The following CREBRF variants were observed in gnomAD, a reference collection of about 807,000 sequenced individuals.
CREBRF encodes the protein CREB3 regulatory factor, also known as UPF0474 protein C5orf41.
CREBRF carries 5 observed loss-of-function variants against 66.1 expected under a neutral mutation model. The ratio of observed to expected loss-of-function variants is 0.08; its 90% CI spans 0.04 to 0.16. CREBRF has a LOEUF of 0.16. CREBRF is among the 10% of genes least tolerant of loss of function. The pLI, the probability that CREBRF is intolerant of heterozygous loss-of-function variation, is 1.00. For missense variants in CREBRF, 531 were observed against 744.9 expected (o/e 0.71, Z 3.34); for synonymous variants, 229 against 264.4 (o/e 0.87, Z 1.30).
At chr5:173,083,405 A>C (rs886922307) in intron 2 of CREBRF, among the ~76,000 whole-genome samples, 1 of 152,152 alleles carries the variant, frequency 6.6e-6, no homozygotes, top group Non-Finnish European at 1.5e-5. Flanking sequence ...AAGGAGAATT[A>C]ATGCTGGGTC....
intron 4 of CREBRF, among the ~76,000 whole-genome samples, chr5:173,107,225 C>A (rs531658664): frequency 2.0e-5 from 3 of 152,264 alleles, no homozygotes; most frequent in African/African-American, 7.2e-5. Flanking sequence ...CTTATGTTTT[C>A]AGGAAGGAAA....
chr5:173,066,188 C>G (rs1757432288), intron 1 of CREBRF, among the ~76,000 whole-genome samples: 1 of 152,182 alleles, frequency 6.6e-6, no homozygotes, highest in African/African-American at 2.4e-5. Flanking sequence ...GCAAAATAAG[C>G]TGATTCCCTC....
Position 173,138,326 on chromosome 5 carries a change from G to A in CREBRF, c.*4581G>A, listed in dbSNP as rs1759635280. 1 of 152,190 alleles carries A rather than the reference G, an allele frequency of 6.6e-6. No individual in the cohort carries two copies. The highest frequency in any genetic ancestry group is 2.4e-5 in the African/African-American group (1 of 41,450). The allele number at this position is 152,190 out of a possible 1,614,324, so 9.4% of individuals were successfully genotyped here. A position where few individuals can be genotyped will look rare whatever the true frequency, so the allele number is the denominator to read the frequency against. ...AATAAGCATGTTGGGGAAAGATGAT[G>A]AAAATGTACTACTGAAAGTTATACA... On this transcript the variant is annotated 3_prime_UTR_variant, in exon 9 of 9. Coordinates refer to ENST00000296953, the MANE Select transcript of CREBRF (RefSeq NM_153607.3).
At chr5:173,088,857 G>A (rs1460637509) in intron 3 of CREBRF, among the ~76,000 whole-genome samples, 1 of 152,062 alleles carries the variant, frequency 6.6e-6, no homozygotes, top group Admixed American at 6.6e-5. Flanking sequence ...TATGGTATGT[G>A]AAATTATACT....
chr5:173,093,517 AGTT>A (rs545933030), intron 4 of CREBRF, among the ~76,000 whole-genome samples: 10 of 152,282 alleles, frequency 6.6e-5, no homozygotes, highest in East Asian at 1.9e-4. Context: ...TACACAATAC[AGTT>A]GTTGTTGTTG....
chr5:173,100,614 G>T (rs1230779369), intron 4 of CREBRF, among the ~76,000 whole-genome samples: 1 of 152,014 alleles, frequency 6.6e-6, no homozygotes, highest in East Asian at 1.9e-4. Flanking sequence ...AGTAAAGACA[G>T]TGTTTCACCA....
intron 3 of CREBRF, among the ~76,000 whole-genome samples, chr5:173,089,061 C>T (rs890716906): frequency 6.6e-6 from 1 of 151,654 alleles, no homozygotes; most frequent in Non-Finnish European, 1.5e-5. Flanking sequence ...TGCCTGTAAT[C>T]TCAGCAATTC....
chr5:173,085,544 G>A, intron 2 of CREBRF: 3 of 550,658 alleles, frequency 5.4e-6, no homozygotes, highest in Middle Eastern at 5.0e-4. Context: ...AGCCTCCTGA[G>A]TAGCTGGGAT....
At chr5:173,079,457 T>C (rs1561797471) in intron 1 of CREBRF, among the ~76,000 whole-genome samples, 1 of 143,880 alleles carries the variant, frequency 7.0e-6, no homozygotes, top group Non-Finnish European at 1.5e-5. Flanking sequence ...AGTGAGACTC[T>C]GTCTTTTTTA....
chr5:173,064,408 A>G (rs1386635760), intron 1 of CREBRF, among the ~76,000 whole-genome samples: 1 of 151,920 alleles, frequency 6.6e-6, no homozygotes, highest in Non-Finnish European at 1.5e-5. Flanking sequence ...TGTTTGAGAC[A>G]GGTCTTGCTC....
At chr5:173,091,464 TTTTTGTTTCTG>T in intron 4 of CREBRF, 63 bp downstream of exon 4, 29 of 1,547,686 alleles carry the variant, frequency 1.9e-5, no homozygotes, top group Non-Finnish European at 2.5e-5. Context: ...AATAGAAAGG[TTTTTGTTTCTG>T]TTTTGTTTGG....
chr5:173,062,094 T>A (rs2113655706), intron 1 of CREBRF, among the ~76,000 whole-genome samples: 1 of 152,326 alleles, frequency 6.6e-6, no homozygotes, highest in Admixed American at 6.5e-5. Flanking sequence ...ATTAATGATG[T>A]TTTCCATCTC....
intron 1 of CREBRF, among the ~76,000 whole-genome samples, chr5:173,071,844 C>A (rs1757607805): frequency 6.6e-6 from 1 of 151,550 alleles, no homozygotes; most frequent in Non-Finnish European, 1.5e-5. Context: ...TGCTTGAGCC[C>A]AGGAGTTCGA....
intron 8 of CREBRF, among the ~76,000 whole-genome samples, chr5:173,129,673 C>A: frequency 7.2e-6 from 1 of 139,264 alleles, no homozygotes; most frequent in African/African-American, 2.7e-5. Context: ...TGCAGTGAGC[C>A]AAGATCGTGC....
At chr5:173,069,028 C>T (rs182832988) in intron 1 of CREBRF, among the ~76,000 whole-genome samples, 2 of 151,554 alleles carry the variant, frequency 1.3e-5, no homozygotes, top group East Asian at 2.0e-4. Flanking sequence ...GCTGAGATCA[C>T]GCCACTGCAC....
intron 2 of CREBRF, chr5:173,085,919 A>T (rs1400391273): frequency 6.9e-6 from 7 of 1,021,550 alleles, no homozygotes; most frequent in Admixed American, 1.7e-5. Flanking sequence ...TGGGACAGTT[A>T]GGCACCCACT....
intron 2 of CREBRF, 131 bp from the exon 3 acceptor site, chr5:173,086,370 T>A: frequency 1.2e-6 from 1 of 804,984 alleles, no homozygotes; most frequent in Non-Finnish European, 2.0e-6. Context: ...TACTATACAG[T>A]AGAAAAAAAG....
chr5:173,108,649 C>T lies in CREBRF; in HGVS notation c.1248C>T (p.Asp416=). Residue 416 remains aspartate (D), a synonymous_variant, in exon 5 of 9, where the codon GAC becomes GAT. Coordinates refer to ENST00000296953, the MANE Select transcript of CREBRF (RefSeq NM_153607.3). Reference sequence around the variant, plus strand: ...GCTATGAAAATGATTCTGTAGAAGACCTGAAGGAGGTGACTTCAATATCTT... The same window carrying T: ...GCTATGAAAATGATTCTGTAGAAGATCTGAAGGAGGTGACTTCAATATCTT... ...EPGYENDSVE[D]LKEVTSISSR... 1.9e-6 allele frequency: 3 copies of T among 1,612,006 alleles called. No homozygotes were observed. The South Asian group carries it at 3.3e-5, about 18-fold the overall frequency.
At chr5:173,079,009 A>C (rs1757852688) in intron 1 of CREBRF, among the ~76,000 whole-genome samples, 1 of 152,142 alleles carries the variant, frequency 6.6e-6, no homozygotes, top group Non-Finnish European at 1.5e-5. Flanking sequence ...TCTCATAGGA[A>C]TCAGGGGAGA....
Sources: gnomAD v4.1 joint callset for allele counts (sites outside exome capture counted in the v4.1 genomes callset) on GRCh38, gnomAD v4.1.1 for gene constraint, MANE v1.5 for transcripts, NCBI Gene and HGNC (gene_info 2026-07-23, HGNC 2026-07-21) for gene names.